SGCD: variants seen among roughly 807,000 people sequenced by gnomAD.
SGCD encodes the protein sarcoglycan delta.
In SGCD, 18 loss-of-function variants were observed where a neutral mutation model predicts 36.6. The observed-to-expected ratio is 0.49, with a 90% CI of 0.34 to 0.73. SGCD has a LOEUF of 0.73. SGCD is among the 30% of genes least tolerant of loss of function. SGCD has a pLI of 0.01. For synonymous variants in SGCD, 133 were observed against 130.6 expected, an observed-to-expected ratio of 1.02 and a Z score of -0.12; for missense variants, 387 against 346.7, an observed-to-expected ratio of 1.12 and a Z score of -0.92.
intron 7 of SGCD, among the ~76,000 whole-genome samples, chr5:156,649,577 T>C (rs1763375054): frequency 6.6e-6 from 1 of 152,050 alleles, no homozygotes; most frequent in Non-Finnish European, 1.5e-5. Flanking sequence ...TGGATGAAAC[T>C]GGAAACCATC....
At chr5:156,358,167 A>G (rs1271923385) in intron 3 of SGCD, among the ~76,000 whole-genome samples, 5 of 152,226 alleles carry the variant, frequency 3.3e-5, no homozygotes, top group Non-Finnish European at 5.9e-5. Flanking sequence ...CATAAAACCC[A>G]AAGACAGAGG....
chr5:156,165,428 C>A (rs1418635644), intron 3 of SGCD, among the ~76,000 whole-genome samples: 1 of 152,142 alleles, frequency 6.6e-6, no homozygotes. Context: ...AACTGTTCAG[C>A]CTATATTCCC....
chr5:156,472,578 C>T (rs138292993), intron 3 of SGCD, among the ~76,000 whole-genome samples: 3,183 of 152,142 alleles, frequency 0.021, 90 homozygotes, highest in African/African-American at 0.065. Context: ...CCACCACACC[C>T]GGCTAATTTT....
chr5:156,580,384 A>G (rs1478455750), intron 4 of SGCD, among the ~76,000 whole-genome samples: 1 of 152,050 alleles, frequency 6.6e-6, no homozygotes, highest in Non-Finnish European at 1.5e-5. Context: ...TCTGACAATT[A>G]TGTGTCTTGG....
intron 3 of SGCD, among the ~76,000 whole-genome samples, chr5:156,245,764 T>TA (rs1268893322): frequency 3.3e-5 from 5 of 151,242 alleles, no homozygotes; most frequent in East Asian, 3.9e-4. Flanking sequence ...ACAAATAACT[T>TA]AAAAAAAATA....
At chr5:156,145,945 G>A (rs998559563) in intron 3 of SGCD, among the ~76,000 whole-genome samples, 1 of 152,222 alleles carries the variant, frequency 6.6e-6, no homozygotes, top group African/African-American at 2.4e-5. Context: ...CAGGCGTGGT[G>A]GCTCATGCCT....
intron 1 of SGCD, among the ~76,000 whole-genome samples, chr5:156,114,766 A>C (rs1047686574): frequency 6.6e-5 from 10 of 152,164 alleles, no homozygotes; most frequent in Non-Finnish European, 1.5e-4. Flanking sequence ...TCATTCCTTT[A>C]AAAATCAAAA....
chr5:155,827,190 CA>C, the SGCD span, among the ~76,000 whole-genome samples: 1 of 152,104 alleles, frequency 6.6e-6, no homozygotes, highest in Non-Finnish European at 1.5e-5. Context: ...CCTAACGGAT[CA>C]GTTAGGAATT....
intron 7 of SGCD, among the ~76,000 whole-genome samples, chr5:156,751,216 G>A (rs1033194125): frequency 6.6e-6 from 1 of 152,066 alleles, no homozygotes; most frequent in Non-Finnish European, 1.5e-5. Flanking sequence ...TAAAGGTATG[G>A]GAATATTATT....
intron 3 of SGCD, among the ~76,000 whole-genome samples, chr5:156,491,094 C>T (rs1755917572): frequency 2.0e-5 from 3 of 151,684 alleles, no homozygotes; most frequent in Admixed American, 2.0e-4. Flanking sequence ...TAATTGCTAC[C>T]AATAAAAAAT....
intron 3 of SGCD, among the ~76,000 whole-genome samples, chr5:156,194,653 A>G (rs1763977770): frequency 6.6e-6 from 1 of 152,016 alleles, no homozygotes; most frequent in South Asian, 2.1e-4. Flanking sequence ...AAGGTAATTA[A>G]TATTATAATA....
At chr5:156,456,719 G>T (rs770468728) in intron 3 of SGCD, among the ~76,000 whole-genome samples, 7 of 152,058 alleles carry the variant, frequency 4.6e-5, no homozygotes, top group African/African-American at 7.2e-5. Context: ...TTTTGTTGAC[G>T]CCTTAATTTC....
the SGCD span, among the ~76,000 whole-genome samples, chr5:155,747,775 C>G: frequency 6.6e-6 from 1 of 152,104 alleles, no homozygotes; most frequent in African/African-American, 2.4e-5. Context: ...CCTGATGCTC[C>G]TCCCCCCTTA....
At chr5:156,221,536 T>A (rs1347159900) in intron 3 of SGCD, among the ~76,000 whole-genome samples, 1 of 151,916 alleles carries the variant, frequency 6.6e-6, no homozygotes, top group East Asian at 1.9e-4. Flanking sequence ...ACCTTCTGGG[T>A]TGTTGGGAGA....
At chr5:155,988,363 T>C (rs1381385540) in intron 1 of SGCD, among the ~76,000 whole-genome samples, 2 of 152,226 alleles carry the variant, frequency 1.3e-5, no homozygotes, top group Middle Eastern at 3.4e-3. Context: ...CCCATAGATA[T>C]CTTTCTGCTT....
intron 1 of SGCD, among the ~76,000 whole-genome samples, chr5:155,950,822 T>C (rs2113429751): frequency 6.6e-6 from 1 of 152,292 alleles, no homozygotes; most frequent in East Asian, 1.9e-4. Context: ...CTTCAAATAG[T>C]TGGAGTCTGT....
intron 7 of SGCD, among the ~76,000 whole-genome samples, chr5:156,755,071 G>C (rs1209707921): frequency 6.6e-6 from 1 of 152,164 alleles, no homozygotes; most frequent in Non-Finnish European, 1.5e-5. Context: ...CCCCCTCCTG[G>C]TGATTCTCAT....
At chr5:156,363,202 G>A (rs1769900545) in intron 3 of SGCD, among the ~76,000 whole-genome samples, 1 of 152,048 alleles carries the variant, frequency 6.6e-6, no homozygotes, top group African/African-American at 2.4e-5. Context: ...AGCTTTCCGT[G>A]TAAACAATAA....
the SGCD span, among the ~76,000 whole-genome samples, chr5:155,845,061 A>T: frequency 6.6e-6 from 1 of 151,890 alleles, no homozygotes; most frequent in Non-Finnish European, 1.5e-5. Flanking sequence ...GGTGTGTGAT[A>T]TTCCCCTCCC....
Sources: gnomAD v4.1 joint callset for allele counts (sites outside exome capture counted in the v4.1 genomes callset) on GRCh38, gnomAD v4.1.1 for gene constraint, MANE v1.5 for transcripts, NCBI Gene and HGNC (gene_info 2026-07-23, HGNC 2026-07-21) for gene names.